Variants in RIMKLB observed in about 807,000 individuals in gnomAD.
RIMKLB encodes the protein ribosomal modification protein rimK like family member B.
Under a neutral mutation model 32.0 loss-of-function variants are expected in RIMKLB, and 7 were observed. The ratio of observed to expected loss-of-function variants is 0.22; its 90% CI spans 0.12 to 0.41. The LOEUF (loss-of-function observed/expected upper bound fraction) is 0.41. Among genes scored for constraint, RIMKLB ranks in the 10% least tolerant of loss-of-function variants. RIMKLB has a pLI of 1.00. For missense variants in RIMKLB, 289 were observed against 498.7 expected (o/e 0.58, Z 4.00); for synonymous variants, 172 against 185.1 (o/e 0.93, Z 0.57).
Position 8,698,287 on chromosome 12 carries a change from C to A in RIMKLB, c.-67C>A. 1 of 351,828 alleles carries A rather than the reference C, an allele frequency of 2.8e-6. No homozygotes were observed. Among genetic ancestry groups the A allele is most frequent in the South Asian group, 1.9e-5 (1 of 52,712 alleles). The allele number at this position is 351,828 out of a possible 1,614,324, so 21.8% of individuals were successfully genotyped here. On this transcript the variant is annotated 5_prime_UTR_variant, in exon 1 of 6. Transcript: ENST00000535829. ...GTCGGCCGAGAGCGAGGGAGGAGCC[C>A]CCCGACCCAGGTGAGCGGTACGACC... is the stretch of plus-strand genomic sequence containing the variant.
At chr12:8,707,027 C>T (rs935916300) in intron 1 of RIMKLB, among the ~76,000 whole-genome samples, 2 of 152,102 alleles carry the variant, frequency 1.3e-5, no homozygotes, top group Admixed American at 1.3e-4. Flanking sequence ...GATAGCATAC[C>T]TAAAATTTAA....
At chr12:8,754,206 C>G in intron 5 of RIMKLB, 113 bp downstream of exon 5, 2 of 732,024 alleles carry the variant, frequency 2.7e-6, no homozygotes, top group Non-Finnish European at 4.6e-6. Flanking sequence ...AAACGTATTT[C>G]CTTTTACATG....
chr12:8,729,532 A>G (rs533909524), intron 2 of RIMKLB, among the ~76,000 whole-genome samples: 52 of 152,074 alleles, frequency 3.4e-4, no homozygotes, highest in Non-Finnish European at 7.1e-4. Context: ...TGTGGGCACA[A>G]GATGGAGAGT....
intron 2 of RIMKLB, among the ~76,000 whole-genome samples, chr12:8,736,289 GA>G (rs1474221185): frequency 6.6e-6 from 1 of 152,168 alleles, no homozygotes; most frequent in Non-Finnish European, 1.5e-5. Context: ...CAGTTAAAAT[GA>G]AAAGTCTACT....
chr12:8,715,290 T>C (rs377501251), intron 2 of RIMKLB, among the ~76,000 whole-genome samples: 17 of 150,026 alleles, frequency 1.1e-4, no homozygotes, highest in East Asian at 9.8e-4. Context: ...AGTGGCACTA[T>C]CTCAGCTCAC....
intron 1 of RIMKLB, among the ~76,000 whole-genome samples, chr12:8,710,108 A>G (rs1591673168): frequency 6.6e-6 from 1 of 151,444 alleles, no homozygotes; most frequent in Admixed American, 6.6e-5. Context: ...TGCCTCCGCC[A>G]CCTGAGTAGC....
chr12:8,745,243 C>T (rs188133937), intron 2 of RIMKLB, among the ~76,000 whole-genome samples: 7 of 151,992 alleles, frequency 4.6e-5, no homozygotes, highest in African/African-American at 1.7e-4. Flanking sequence ...GCCACTGTGG[C>T]TGGCCTTGCT....
At chr12:8,714,865 T>C (rs1944676771) in intron 2 of RIMKLB, among the ~76,000 whole-genome samples, 1 of 152,232 alleles carries the variant, frequency 6.6e-6, no homozygotes, top group South Asian at 2.1e-4. Context: ...AAATACATTT[T>C]AGATCACTTT....
Position 8,776,302 on chromosome 12 carries a change from T to C in RIMKLB, c.*2518T>C, listed in dbSNP as rs1010582797. On this transcript the variant is annotated 3_prime_UTR_variant, in exon 6 of 6. Transcript: ENST00000535829. ...GTTAGAATGAAAAGAGCAGTAGTTA[T>C]CTTAGATTTTAAAAACATGGATATC... is the stretch of plus-strand genomic sequence containing the variant. The C allele has an allele frequency of 7.2e-6, 7 of 971,990 alleles. No homozygotes were observed. In the African/African-American group the frequency reaches 1.1e-4, roughly 15 times the overall value. The allele number at this position is 971,990 out of a possible 1,614,324, so 60.2% of individuals were successfully genotyped here. A position where few individuals can be genotyped will look rare whatever the true frequency, so the allele number is the denominator to read the frequency against.
upstream of RIMKLB, chr12:8,679,313 G>A (rs1565534258): frequency 6.6e-6 from 1 of 152,302 alleles, no homozygotes; most frequent in Non-Finnish European, 1.5e-5. Flanking sequence ...CTCCTGAGGA[G>A]CTGGGATTAC....
intron 2 of RIMKLB, among the ~76,000 whole-genome samples, chr12:8,730,095 T>A (rs1946401327): frequency 6.6e-6 from 1 of 152,208 alleles, no homozygotes. Flanking sequence ...TTGTTCTTTG[T>A]GTGTGTGTTA....
the RIMKLB span, among the ~76,000 whole-genome samples, chr12:8,671,905 C>T: frequency 1.4e-5 from 2 of 137,940 alleles, no homozygotes; most frequent in Non-Finnish European, 3.3e-5. Flanking sequence ...GAGTGAGACT[C>T]CATCTCAAAA....
At chr12:8,692,288 T>G (rs1046171041), upstream of RIMKLB, among the ~76,000 whole-genome samples, 6 of 152,256 alleles carry the variant, frequency 3.9e-5, no homozygotes, top group Non-Finnish European at 7.3e-5. Flanking sequence ...GTTGAGGGCT[T>G]TAAATAAAGA....
chr12:8,706,905 C>G (rs1943929197), intron 1 of RIMKLB, among the ~76,000 whole-genome samples: 1 of 151,998 alleles, frequency 6.6e-6, no homozygotes, highest in Non-Finnish European at 1.5e-5. Context: ...AAGTTGAAAC[C>G]TGGATTCGGA....
At chr12:8,767,036 A>G (rs1031646030) in intron 5 of RIMKLB, among the ~76,000 whole-genome samples, 8 of 152,174 alleles carry the variant, frequency 5.3e-5, no homozygotes, top group African/African-American at 1.9e-4. Context: ...TAGGAAGGCT[A>G]CGGAGTTGTC....
intron 5 of RIMKLB, among the ~76,000 whole-genome samples, chr12:8,764,146 C>G (rs1265545031): frequency 6.6e-6 from 1 of 152,122 alleles, no homozygotes; most frequent in Non-Finnish European, 1.5e-5. Context: ...AGGCCTTGGG[C>G]TTTAGGTCCT....
upstream of RIMKLB, among the ~76,000 whole-genome samples, chr12:8,695,716 G>A (rs1205475675): frequency 1.5e-5 from 2 of 132,094 alleles, no homozygotes; most frequent in African/African-American, 5.7e-5. Flanking sequence ...TTTTTTTTGA[G>A]ACAGAGTTTT....
In RIMKLB at chr12:8,737,250, CTT is replaced by C. The variant is rs545535856; in HGVS notation, c.176-12598_176-12597del. On this transcript the variant is annotated intron_variant, in intron 2 of 5. Coordinates refer to ENST00000535829, the MANE Select transcript of RIMKLB (RefSeq NM_001297776.2). ...TGTCTTTAGTTTCCTTTAATCATGA[CTT>C]TTTTTTTTTTTTTGCCTGTGTCTTT... Among the ~76,000 whole-genome samples the C allele has an allele frequency of 2.4e-3, 320 of 135,880 alleles. 1 individual carries two copies. The highest frequency in any genetic ancestry group is 7.6e-3 in the African/African-American group (285 of 37,644). The allele number at this position is 135,880 out of a possible 152,430, so 89.1% of individuals were successfully genotyped here.
In RIMKLB at chr12:8,751,943, A is replaced by G; in HGVS notation, c.407-14A>G. The G allele has an allele frequency of 1.3e-6, 2 of 1,571,124 alleles. No individual in the cohort carries two copies. The highest frequency in any genetic ancestry group is 1.8e-6 in the Non-Finnish European group (2 of 1,142,548). On this transcript the variant is annotated splice_polypyrimidine_tract_variant and intron_variant, in intron 3 of 5. Coordinates refer to ENST00000535829, the MANE Select transcript of RIMKLB (RefSeq NM_001297776.2). ...GCTGCTGTTTGTCTTAAATTTTTGTATTGCTCAAACCAGGTGGCCACGAAA... is the reference window on the plus strand; with the variant it reads ...GCTGCTGTTTGTCTTAAATTTTTGTGTTGCTCAAACCAGGTGGCCACGAAA...
Sources: gnomAD v4.1 joint callset for allele counts (sites outside exome capture counted in the v4.1 genomes callset) on GRCh38, gnomAD v4.1.1 for gene constraint, MANE v1.5 for transcripts, NCBI Gene and HGNC (gene_info 2026-07-23, HGNC 2026-07-21) for gene names.